Variants in NPAS3 observed in about 807,000 individuals in gnomAD.
NPAS3 encodes neuronal PAS domain-containing protein 3.
NPAS3 carries 14 observed loss-of-function variants against 73.1 expected under a neutral mutation model. That is an observed-to-expected ratio of 0.19 (90% CI 0.13 to 0.30). The LOEUF (loss-of-function observed/expected upper bound fraction) is 0.30. NPAS3 is among the 10% of genes least tolerant of loss of function. The probability of loss-of-function intolerance (pLI) is 1.00; values close to 1 mark genes in which losing one functional copy is unlikely to be tolerated. For missense variants in NPAS3, 1,096 were observed against 1,250.0 expected (o/e 0.88, Z 1.86); for synonymous variants, 620 against 541.5 (o/e 1.14, Z -2.01).
chr14:33,422,803 A>C (rs1485016052), intron 4 of NPAS3, among the ~76,000 whole-genome samples: 2 of 152,024 alleles, frequency 1.3e-5, no homozygotes, highest in Non-Finnish European at 2.9e-5. Flanking sequence ...GTTAATACTT[A>C]AGTCACAAAG....
At chr14:33,354,183 C>G (rs537676547) in intron 3 of NPAS3, among the ~76,000 whole-genome samples, 3 of 152,190 alleles carry the variant, frequency 2.0e-5, no homozygotes, top group African/African-American at 7.2e-5. Flanking sequence ...AAAAATATCC[C>G]TTAAGCTTGG....
rs142748396 is a variant in NPAS3, at chr14:33,561,210, T to C, written c.558+1000T>C. Among the ~76,000 whole-genome samples the C allele has an allele frequency of 4.6e-5, 7 of 152,352 alleles. No homozygotes were observed. In the East Asian group the frequency reaches 1.3e-3, roughly 29 times the overall value. ...GCAGGACCTACCCCAGACTCGTTGC[T>C]TCTGAAAGTTGGCACAGCTCTAAGG... On this transcript the variant is annotated intron_variant, in intron 5 of 11. Transcript: ENST00000356141.
At chr14:33,108,588 TCTG>T (rs2042794566) in intron 2 of NPAS3, among the ~76,000 whole-genome samples, 1 of 152,166 alleles carries the variant, frequency 6.6e-6, no homozygotes, top group Non-Finnish European at 1.5e-5. Context: ...CATTTTAGAA[TCTG>T]CTGTGACAAA....
Position 33,800,980 on chromosome 14 carries a change from A to G in NPAS3, c.2673A>G (p.Ala891=). 6.3e-7 allele frequency: 1 copy of G among 1,591,500 alleles called. No homozygotes were observed. The highest frequency in any genetic ancestry group is 8.5e-7 in the Non-Finnish European group (1 of 1,169,756). ...GACCGTTCGGCGGCGCAGTGAGCGC[A>G]GCTAGCCTGACGCAGATGCCCGCCG... Residue 891 remains alanine (A), a synonymous_variant, in exon 12 of 12, where the codon GCA becomes GCG. Transcript: ENST00000356141. This position sits in a 1 kb window ranked among gnomAD's most constrained non-coding sequence, Gnocchi z 6.5.
chr14:33,193,820 A>C (rs1444779322), intron 2 of NPAS3, among the ~76,000 whole-genome samples: 1 of 152,218 alleles, frequency 6.6e-6, no homozygotes, highest in Non-Finnish European at 1.5e-5. Context: ...AGTGGATGCA[A>C]GAAGCTGAGC....
At chr14:33,123,736 G>T (rs1319628919) in intron 2 of NPAS3, among the ~76,000 whole-genome samples, 1 of 152,002 alleles carries the variant, frequency 6.6e-6, no homozygotes, top group Non-Finnish European at 1.5e-5. Context: ...AAAGGAGAGA[G>T]ATTAACAGGT....
chr14:33,591,471 G>A (rs60691803), intron 5 of NPAS3, among the ~76,000 whole-genome samples: 1 of 152,092 alleles, frequency 6.6e-6, no homozygotes, highest in Non-Finnish European at 1.5e-5. Context: ...TACGTGGGCG[G>A]TAAAAGCTCT....
intron 3 of NPAS3, among the ~76,000 whole-genome samples, chr14:33,253,108 A>G (rs969713671): frequency 6.6e-6 from 1 of 152,028 alleles, no homozygotes; most frequent in African/African-American, 2.4e-5. Context: ...TTTCTTATAT[A>G]ATGATGTATT....
chr14:33,592,804 C>T (rs1319849128), intron 5 of NPAS3, among the ~76,000 whole-genome samples: 1 of 152,104 alleles, frequency 6.6e-6, no homozygotes, highest in African/African-American at 2.4e-5. Context: ...GCTAATTGGA[C>T]GAAACTGGCC....
intron 1 of NPAS3, among the ~76,000 whole-genome samples, chr14:33,024,413 G>T (rs1319985456): frequency 6.6e-6 from 1 of 151,890 alleles, no homozygotes; most frequent in South Asian, 2.1e-4. Context: ...CTCATGATCC[G>T]CCTGCCTCGG....
chr14:33,580,211 A>G (rs535191302), intron 5 of NPAS3, among the ~76,000 whole-genome samples: 25 of 150,320 alleles, frequency 1.7e-4, no homozygotes, highest in African/African-American at 6.0e-4. Flanking sequence ...CATATGCACA[A>G]AGCAACTAAG....
At chr14:33,320,589 C>T (rs1343429472) in intron 3 of NPAS3, among the ~76,000 whole-genome samples, 1 of 152,130 alleles carries the variant, frequency 6.6e-6, no homozygotes, top group Non-Finnish European at 1.5e-5. Context: ...AGAATGTGGA[C>T]ACAGGATGTG....
At chr14:33,337,257 A>G (rs2044270010) in intron 3 of NPAS3, among the ~76,000 whole-genome samples, 1 of 152,156 alleles carries the variant, frequency 6.6e-6, no homozygotes, top group Admixed American at 6.5e-5. Flanking sequence ...TGCTCATGAT[A>G]TGCCCAAAAT....
Position 33,090,971 on chromosome 14 carries a change from C to T in NPAS3, c.140+34977C>T, listed in dbSNP as rs1255548913. Reference sequence around the variant, plus strand: ...AATGAGAACAAACATACCAGAATCTCTGGGACACATTTAAAGCTGTGTGTC... The same window carrying T: ...AATGAGAACAAACATACCAGAATCTTTGGGACACATTTAAAGCTGTGTGTC... On this transcript the variant is annotated intron_variant, in intron 2 of 11. Coordinates refer to ENST00000356141, the Ensembl canonical transcript of NPAS3. Among the ~76,000 whole-genome samples, 4 of 152,190 alleles carry T rather than the reference C, an allele frequency of 2.6e-5. No homozygotes were observed. The East Asian group carries it at 7.7e-4, about 29-fold the overall frequency.
intron 3 of NPAS3, among the ~76,000 whole-genome samples, chr14:33,272,121 C>G (rs1404911562): frequency 1.3e-5 from 2 of 152,160 alleles, no homozygotes; most frequent in Non-Finnish European, 2.9e-5. Flanking sequence ...TTTTCTCCTG[C>G]CAGAAATCAT....
intron 2 of NPAS3, among the ~76,000 whole-genome samples, chr14:33,152,972 A>G (rs2044510315): frequency 6.6e-6 from 1 of 151,712 alleles, no homozygotes; most frequent in Admixed American, 6.6e-5. Flanking sequence ...TATTTTCTCA[A>G]TATATTTCGC....
chr14:33,117,636 T>C (rs1464134609), intron 2 of NPAS3, among the ~76,000 whole-genome samples: 1 of 152,168 alleles, frequency 6.6e-6, no homozygotes, highest in Admixed American at 6.6e-5. Context: ...AGTGTGGAAA[T>C]CTACTTGTAA....
At chr14:33,759,947 G>A (rs17411590) in intron 7 of NPAS3, among the ~76,000 whole-genome samples, 13,615 of 152,108 alleles carry the variant, frequency 0.09, 785 homozygotes, top group South Asian at 0.15. Flanking sequence ...AATAAAATTG[G>A]GAAAAAATAT....
intron 3 of NPAS3, among the ~76,000 whole-genome samples, chr14:33,261,314 A>G (rs2139957233): frequency 6.7e-6 from 1 of 148,240 alleles, no homozygotes; most frequent in South Asian, 2.2e-4. Context: ...AAAAAAAAAG[A>G]ACTCATTTTC....
Sources: gnomAD v4.1 joint callset for allele counts (sites outside exome capture counted in the v4.1 genomes callset) on GRCh38, gnomAD v4.1.1 for gene constraint, Gnocchi (gnomAD v3.1) non-coding constraint, MANE v1.5 for transcripts, NCBI Gene and HGNC (gene_info 2026-07-23, HGNC 2026-07-21) for gene names.